Variants in GRID2 observed in about 807,000 individuals in gnomAD.
The protein encoded by GRID2 is glutamate receptor ionotropic, delta-2.
In GRID2, 33 loss-of-function variants were observed where a neutral mutation model predicts 114.8. That is an observed-to-expected ratio of 0.29 (90% CI 0.22 to 0.38). GRID2 has a LOEUF of 0.38. GRID2 is among the 10% of genes least tolerant of loss of function. GRID2 has a pLI of 1.00. For missense variants in GRID2, 1,184 were observed against 1,257.7 expected, an observed-to-expected ratio of 0.94 and a Z score of 0.89; for synonymous variants, 505 against 449.9, an observed-to-expected ratio of 1.12 and a Z score of -1.55.
At chr4:92,563,763 T>C (rs1046769629) in intron 1 of GRID2, among the ~76,000 whole-genome samples, 1 of 152,070 alleles carries the variant, frequency 6.6e-6, no homozygotes, top group Non-Finnish European at 1.5e-5. Context: ...GTCAAATTAG[T>C]CAGATATTTT....
Position 92,716,596 on chromosome 4 carries a change from T to C in GRID2, c.244+126310T>C, listed in dbSNP as rs184651133. Among the ~76,000 whole-genome samples the C allele has an allele frequency of 7.9e-5, 12 of 152,296 alleles. No homozygotes were observed. The East Asian group carries it at 1.5e-3, about 20-fold the overall frequency. On this transcript the variant is annotated intron_variant, in intron 2 of 15. Coordinates refer to ENST00000282020, the MANE Select transcript of GRID2 (RefSeq NM_001510.4). ...ATGGTCTTTTATTACTACAATCTAA[T>C]ATAAATGAAGGCTTGTTCAGCTGTC...
chr4:92,894,572 T>TTGCCTA (rs1227494101), intron 2 of GRID2, among the ~76,000 whole-genome samples: 1 of 152,146 alleles, frequency 6.6e-6, no homozygotes, highest in Non-Finnish European at 1.5e-5. Flanking sequence ...GGAGCTTAAT[T>TTGCCTA]AATAGAAGGA....
chr4:92,930,662 A>G (rs1434638113), intron 2 of GRID2, among the ~76,000 whole-genome samples: 1 of 147,114 alleles, frequency 6.8e-6, no homozygotes. Context: ...TAAAATCTTG[A>G]GTCTTGTCTG....
At chr4:92,743,721 G>A (rs1383353287) in intron 2 of GRID2, among the ~76,000 whole-genome samples, 2 of 152,126 alleles carry the variant, frequency 1.3e-5, no homozygotes. Flanking sequence ...ACATAAGGTT[G>A]TATGGGCCTC....
At chr4:93,719,822 T>C (rs1185334224) in intron 14 of GRID2, among the ~76,000 whole-genome samples, 1 of 152,158 alleles carries the variant, frequency 6.6e-6, no homozygotes, top group Non-Finnish European at 1.5e-5. Context: ...TTCCAGCAGA[T>C]AGAACAAGCA....
intron 1 of GRID2, among the ~76,000 whole-genome samples, chr4:92,489,705 C>T (rs951757613): frequency 4.6e-5 from 7 of 151,648 alleles, no homozygotes; most frequent in African/African-American, 1.2e-4. Flanking sequence ...AACTAGCAAG[C>T]GGTGGTGGTG....
intron 4 of GRID2, among the ~76,000 whole-genome samples, chr4:93,202,925 T>G (rs1246637648): frequency 6.6e-6 from 1 of 152,124 alleles, no homozygotes; most frequent in African/African-American, 2.4e-5. Flanking sequence ...TAAGTGCATA[T>G]ATGTTTCACT....
At chr4:92,359,564 G>T (rs1030198713) in intron 1 of GRID2, among the ~76,000 whole-genome samples, 5 of 151,952 alleles carry the variant, frequency 3.3e-5, no homozygotes, top group Admixed American at 1.3e-4. Context: ...CTAAACATGT[G>T]TTATGCTTAC....
At chr4:93,043,765 G>T (rs2149272160) in intron 2 of GRID2, among the ~76,000 whole-genome samples, 1 of 152,144 alleles carries the variant, frequency 6.6e-6, no homozygotes, top group South Asian at 2.1e-4. Flanking sequence ...GCCTGTCGTG[G>T]GGTGGGGGGA....
chr4:93,617,971 T>A (rs1741852375), intron 13 of GRID2, among the ~76,000 whole-genome samples: 1 of 150,886 alleles, frequency 6.6e-6, no homozygotes, highest in African/African-American at 2.5e-5. Context: ...TGGTATGGGT[T>A]TGATACTACC....
At chr4:93,094,535 T>G (rs1010527983) in intron 3 of GRID2, among the ~76,000 whole-genome samples, 1 of 151,882 alleles carries the variant, frequency 6.6e-6, no homozygotes, top group African/African-American at 2.4e-5. Flanking sequence ...TCATTGATAA[T>G]GAGAAATTAA....
At chr4:92,561,346 C>G (rs541414761) in intron 1 of GRID2, among the ~76,000 whole-genome samples, 25 of 152,288 alleles carry the variant, frequency 1.6e-4, no homozygotes, top group African/African-American at 5.5e-4. Flanking sequence ...TGGGGCCAGA[C>G]AGACTTGAGT....
intron 4 of GRID2, among the ~76,000 whole-genome samples, chr4:93,198,629 A>G (rs534019217): frequency 7.2e-5 from 11 of 152,122 alleles, no homozygotes; most frequent in African/African-American, 2.6e-4. Flanking sequence ...AGGCAAGCAT[A>G]AGGGTTGGGA....
chr4:92,665,223 A>T (rs1204697272), intron 2 of GRID2, among the ~76,000 whole-genome samples: 1 of 149,566 alleles, frequency 6.7e-6, no homozygotes, highest in Middle Eastern at 3.2e-3. Context: ...TACCATGGTA[A>T]TTACATTTAA....
intron 11 of GRID2, among the ~76,000 whole-genome samples, 199 bp downstream of exon 11, chr4:93,456,173 A>C (rs976749901): frequency 3.3e-5 from 5 of 152,138 alleles, no homozygotes; most frequent in African/African-American, 9.7e-5. Context: ...ATAATGGTTC[A>C]TTGTCTTTTG....
intron 2 of GRID2, among the ~76,000 whole-genome samples, chr4:93,031,629 A>G (rs990328586): frequency 5.3e-5 from 8 of 151,900 alleles, no homozygotes; most frequent in East Asian, 1.9e-4. Flanking sequence ...TATAAGGGGG[A>G]ATTTCCCCAC....
rs181682929 is a variant in GRID2 at position 92,369,039 on chromosome 4, C to A, written c.88+64295C>A. On this transcript the variant is annotated intron_variant, in intron 1 of 15. Coordinates refer to ENST00000282020, the MANE Select transcript of GRID2 (RefSeq NM_001510.4). ...TTTTACTCTTGCTGATTAAATAAAT[C>A]TGATATAATCGCCCTAAAAATTTGA... Among the ~76,000 whole-genome samples the A allele has an allele frequency of 3.2e-3, 486 of 151,696 alleles. 2 individuals are homozygous for A. Among genetic ancestry groups the A allele is most frequent in the African/African-American group, 0.011 (449 of 41,382 alleles).
At chr4:93,034,246 C>G (rs1724706415) in intron 2 of GRID2, among the ~76,000 whole-genome samples, 1 of 152,138 alleles carries the variant, frequency 6.6e-6, no homozygotes, top group Non-Finnish European at 1.5e-5. Context: ...AAAAACAAAA[C>G]CAAACAATAC....
At chr4:93,095,535 CATA>C (rs975948399) in intron 3 of GRID2, among the ~76,000 whole-genome samples, 2 of 151,946 alleles carry the variant, frequency 1.3e-5, no homozygotes, top group African/African-American at 4.8e-5. Context: ...TTTCTCAATA[CATA>C]ATAATGCACA....
Sources: gnomAD v4.1 joint callset for allele counts (sites outside exome capture counted in the v4.1 genomes callset) on GRCh38, gnomAD v4.1.1 for gene constraint, MANE v1.5 for transcripts, NCBI Gene and HGNC (gene_info 2026-07-23, HGNC 2026-07-21) for gene names.